SPAG16: variants seen among roughly 807,000 people sequenced by gnomAD.
The protein encoded by SPAG16 is sperm-associated antigen 16 protein.
In SPAG16, 86 loss-of-function variants were observed where a neutral mutation model predicts 80.4. The ratio of observed to expected loss-of-function variants is 1.07; its 90% CI spans 0.90 to 1.28. The LOEUF (loss-of-function observed/expected upper bound fraction) is 1.28, where lower values mean the gene tolerates loss of function less well. Among genes scored for constraint, SPAG16 ranks in the 50% most tolerant of loss-of-function variants. The pLI is 0.00. For missense variants in SPAG16, 870 were observed against 765.3 expected (o/e 1.14, Z -1.61); for synonymous variants, 294 against 265.9 (o/e 1.11, Z -1.03).
chr2:214,377,011 T>TAAAG (rs896718609), intron 15 of SPAG16, among the ~76,000 whole-genome samples: 24 of 152,296 alleles, frequency 1.6e-4, no homozygotes, highest in African/African-American at 5.8e-4. Context: ...GAAACAAATG[T>TAAAG]AAAGATACAG....
intron 15 of SPAG16, among the ~76,000 whole-genome samples, chr2:214,176,127 G>C (rs888953786): frequency 4.0e-5 from 6 of 151,202 alleles, no homozygotes; most frequent in African/African-American, 7.3e-5. Flanking sequence ...ATTAAATACA[G>C]GTTTATTAAA....
chr2:213,646,690 G>A (rs1351717139), intron 10 of SPAG16, among the ~76,000 whole-genome samples: 3 of 152,174 alleles, frequency 2.0e-5, no homozygotes, highest in African/African-American at 7.2e-5. Context: ...TGATACCAAT[G>A]CTTTGGAAAG....
chr2:213,289,565 T>A (rs1018746955), intron 1 of SPAG16, among the ~76,000 whole-genome samples: 2 of 152,218 alleles, frequency 1.3e-5, no homozygotes, highest in African/African-American at 4.8e-5. Context: ...GCCAGCTACC[T>A]TCCATTTTTG....
chr2:214,264,903 C>A (rs917645240), intron 15 of SPAG16, among the ~76,000 whole-genome samples: 1 of 152,056 alleles, frequency 6.6e-6, no homozygotes, highest in African/African-American at 2.4e-5. Flanking sequence ...AGACTGGCTT[C>A]TTTCACTAAG....
At chr2:213,644,594 T>A (rs952109050) in intron 10 of SPAG16, among the ~76,000 whole-genome samples, 5 of 152,220 alleles carry the variant, frequency 3.3e-5, no homozygotes, top group Admixed American at 6.5e-5. Flanking sequence ...CTTACAGACT[T>A]GCAGAGGCAC....
intron 10 of SPAG16, among the ~76,000 whole-genome samples, chr2:213,567,304 C>T (rs1159294935): frequency 7.5e-6 from 1 of 133,660 alleles, no homozygotes; most frequent in Non-Finnish European, 1.6e-5. Context: ...CATATGTATA[C>T]ATGTGCCATG....
chr2:214,005,754 T>C (rs1183948410), intron 12 of SPAG16, among the ~76,000 whole-genome samples: 4 of 152,210 alleles, frequency 2.6e-5, no homozygotes, highest in Non-Finnish European at 5.9e-5. Flanking sequence ...TATTCTTGAC[T>C]TTTGAAGTAA....
intron 10 of SPAG16, among the ~76,000 whole-genome samples, chr2:213,839,265 T>C (rs1194460560): frequency 1.3e-5 from 2 of 152,212 alleles, no homozygotes; most frequent in Non-Finnish European, 2.9e-5. Context: ...TAATTATTAA[T>C]TATTAGTTGA....
chr2:214,358,308 A>C (rs1277963024), intron 15 of SPAG16, among the ~76,000 whole-genome samples: 1 of 151,860 alleles, frequency 6.6e-6, no homozygotes, highest in Non-Finnish European at 1.5e-5. Flanking sequence ...ATTAAAGTAC[A>C]CGGTTTTCTA....
intron 11 of SPAG16, among the ~76,000 whole-genome samples, chr2:213,883,275 T>G (rs2076420711): frequency 6.6e-6 from 1 of 152,236 alleles, no homozygotes; most frequent in African/African-American, 2.4e-5. Context: ...CAGGAGTTAT[T>G]GAGGACCAAG....
At chr2:213,951,771 T>C (rs182486574) in intron 12 of SPAG16, among the ~76,000 whole-genome samples, 1 of 152,144 alleles carries the variant, frequency 6.6e-6, no homozygotes, top group African/African-American at 2.4e-5. Context: ...CTGGCTGACG[T>C]TGAGTCACAC....
intron 14 of SPAG16, among the ~76,000 whole-genome samples, chr2:214,113,299 G>C (rs1381479458): frequency 6.6e-6 from 1 of 151,952 alleles, no homozygotes; most frequent in Non-Finnish European, 1.5e-5. Context: ...ATGTGTCTTG[G>C]GGTTGCTCTT....
intron 15 of SPAG16, among the ~76,000 whole-genome samples, chr2:214,299,981 G>A (rs1402559937): frequency 6.6e-6 from 1 of 152,054 alleles, no homozygotes; most frequent in East Asian, 1.9e-4. Flanking sequence ...AACTTTATAA[G>A]TCAACTTTAA....
chr2:214,381,655 G>A (rs1464071541), intron 15 of SPAG16, among the ~76,000 whole-genome samples: 1 of 152,208 alleles, frequency 6.6e-6, no homozygotes, highest in Non-Finnish European at 1.5e-5. Flanking sequence ...GAGACTCCAG[G>A]TGAAGAGCAA....
chr2:213,823,737 T>C (rs1056574717), intron 10 of SPAG16, among the ~76,000 whole-genome samples: 1 of 152,228 alleles, frequency 6.6e-6, no homozygotes, highest in Admixed American at 6.5e-5. Context: ...TTATATCATT[T>C]GCCTACTTTT....
At chr2:213,322,094 A>AT (rs918900959) in intron 5 of SPAG16, among the ~76,000 whole-genome samples, 7 of 150,208 alleles carry the variant, frequency 4.7e-5, no homozygotes, top group African/African-American at 7.3e-5. Context: ...AAATAAATAA[A>AT]TAAAAAAAAG....
intron 10 of SPAG16, among the ~76,000 whole-genome samples, chr2:213,841,138 G>A (rs2074344066): frequency 6.6e-6 from 1 of 151,848 alleles, no homozygotes; most frequent in Non-Finnish European, 1.5e-5. Context: ...TTTTTGATTG[G>A]TTTCCCTTAA....
intron 1 of SPAG16, among the ~76,000 whole-genome samples, chr2:213,287,068 G>T (rs187621531): frequency 1.3e-5 from 2 of 152,258 alleles, no homozygotes; most frequent in Admixed American, 1.3e-4. Flanking sequence ...CTTCAACAAG[G>T]TGAGATACAA....
At chr2:214,342,551 C>A (rs1290221134) in intron 15 of SPAG16, among the ~76,000 whole-genome samples, 1 of 152,028 alleles carries the variant, frequency 6.6e-6, no homozygotes, top group African/African-American at 2.4e-5. Context: ...CAGATAGAAC[C>A]ATCTAGTTGC....
Sources: allele counts gnomAD v4.1 joint callset (sites outside exome capture counted in the v4.1 genomes callset), GRCh38; gene constraint gnomAD v4.1.1; transcripts MANE v1.5; gene names NCBI Gene and HGNC (gene_info 2026-07-23, HGNC 2026-07-21).